The following RIC8B variants were observed in gnomAD, a reference collection of about 807,000 sequenced individuals.
The protein encoded by RIC8B is RIC8 guanine nucleotide exchange factor B, also known as chaperone Ric-8B.
RIC8B carries 16 observed loss-of-function variants against 57.5 expected under a neutral mutation model. The ratio of observed to expected loss-of-function variants is 0.28; its 90% CI spans 0.19 to 0.42. RIC8B has a LOEUF of 0.42. RIC8B is among the 10% of genes least tolerant of loss of function. The pLI is 1.00. For synonymous variants in RIC8B, 216 were observed against 250.8 expected (o/e 0.86, Z 1.31); for missense variants, 481 against 677.0 (o/e 0.71, Z 3.21).
chr12:106,794,359 G>A (rs967528204), intron 2 of RIC8B, among the ~76,000 whole-genome samples: 4 of 152,052 alleles, frequency 2.6e-5, no homozygotes, highest in Non-Finnish European at 5.9e-5. Context: ...AATACCAGAA[G>A]GAGAGGAGAG....
intron 8 of RIC8B, among the ~76,000 whole-genome samples, chr12:106,863,673 G>A (rs550944683): frequency 6.6e-6 from 1 of 152,146 alleles, no homozygotes; most frequent in South Asian, 2.1e-4. Context: ...CTGGGAACTA[G>A]AACCTGTTAC....
chr12:106,791,746 T>C (rs1284614284), intron 2 of RIC8B, among the ~76,000 whole-genome samples: 4 of 152,218 alleles, frequency 2.6e-5, no homozygotes. Context: ...TTTGGCACTT[T>C]CTCAATTATA....
rs1345068746 is a variant in RIC8B at position 106,834,245 on chromosome 12, G to C, written c.837-8344G>C. On this transcript the variant is annotated intron_variant, in intron 4 of 9. Transcript: ENST00000392837. ...TGTCAGATCTGTTTGGATTGTCCTTGTTTTGACTCATGATAATGGCATACA... is the reference window on the plus strand; with the variant it reads ...TGTCAGATCTGTTTGGATTGTCCTTCTTTTGACTCATGATAATGGCATACA... Among the ~76,000 whole-genome samples the C allele has an allele frequency of 2.0e-5, 3 of 152,114 alleles. No individual in the cohort carries two copies. In the East Asian group the frequency reaches 5.8e-4, roughly 29 times the overall value.
chr12:106,812,912 A>G (rs1464324296), intron 2 of RIC8B, among the ~76,000 whole-genome samples: 1 of 152,172 alleles, frequency 6.6e-6, no homozygotes, highest in Non-Finnish European at 1.5e-5. Flanking sequence ...TTGTCTTATC[A>G]GATAAAGTTC....
intron 8 of RIC8B, among the ~76,000 whole-genome samples, 171 bp from the exon 9 acceptor site, chr12:106,870,652 A>G (rs1475091001): frequency 6.6e-6 from 1 of 152,140 alleles, no homozygotes; most frequent in African/African-American, 2.4e-5. Context: ...AAATTAGTGG[A>G]AAAGTCCAGT....
At chr12:106,802,665 T>A (rs2044789115) in intron 2 of RIC8B, among the ~76,000 whole-genome samples, 1 of 151,908 alleles carries the variant, frequency 6.6e-6, no homozygotes, top group Non-Finnish European at 1.5e-5. Flanking sequence ...GAATTTCTTT[T>A]AATGTTAAGA....
chr12:106,816,143 CTG>C (rs1278078390), intron 3 of RIC8B, among the ~76,000 whole-genome samples: 2 of 151,768 alleles, frequency 1.3e-5, no homozygotes, highest in African/African-American at 4.8e-5. Flanking sequence ...CTTTAAATAA[CTG>C]TTGAAATTCA....
intron 9 of RIC8B, chr12:106,873,018 C>G (rs1410947551): frequency 1.0e-6 from 1 of 985,314 alleles, no homozygotes; most frequent in Non-Finnish European, 1.2e-6. Context: ...AGGTCCTTCT[C>G]CTTTTAATCT....
At chr12:106,805,236 A>G (rs557848390) in intron 2 of RIC8B, among the ~76,000 whole-genome samples, 14 of 152,320 alleles carry the variant, frequency 9.2e-5, no homozygotes, top group African/African-American at 2.6e-4. Flanking sequence ...AGATACCACC[A>G]ACAACCAAGT....
At chr12:106,861,542 T>G (rs73200073) in intron 8 of RIC8B, among the ~76,000 whole-genome samples, 9,078 of 151,926 alleles carry the variant, frequency 0.06, 370 homozygotes, top group African/African-American at 0.11. Flanking sequence ...AAAGACTTTT[T>G]GGGGGAAAGC....
At chr12:106,875,640 C>CA (rs1773335700) in intron 9 of RIC8B, among the ~76,000 whole-genome samples, 1 of 152,132 alleles carries the variant, frequency 6.6e-6, no homozygotes, top group South Asian at 2.1e-4. Flanking sequence ...ACCCTTACCC[C>CA]ATCACTGTCT....
chr12:106,775,426 G>C (rs905239764), intron 1 of RIC8B: 4 of 451,988 alleles, frequency 8.8e-6, no homozygotes, highest in Non-Finnish European at 1.3e-5. Context: ...ATATAATGTT[G>C]TAAGTGGGTG....
intron 2 of RIC8B, among the ~76,000 whole-genome samples, chr12:106,813,924 A>G (rs867853974): frequency 1.3e-5 from 2 of 152,308 alleles, no homozygotes; most frequent in South Asian, 2.1e-4. Flanking sequence ...TGACAATGGT[A>G]TAAAAAAATC....
chr12:106,806,868 G>A (rs951759885), intron 2 of RIC8B, among the ~76,000 whole-genome samples: 1 of 152,132 alleles, frequency 6.6e-6, no homozygotes, highest in Non-Finnish European at 1.5e-5. Flanking sequence ...TATTCATATA[G>A]AAAGCATAGA....
chr12:106,862,744 T>C (rs1949994294), intron 8 of RIC8B, among the ~76,000 whole-genome samples: 1 of 152,142 alleles, frequency 6.6e-6, no homozygotes, highest in Admixed American at 6.6e-5. Flanking sequence ...GGATTCTGAT[T>C]AATGCACCAA....
At chr12:106,843,723 CAAAAAAAA>C in intron 5 of RIC8B, 121 bp from the exon 6 acceptor site, 11 of 253,468 alleles carry the variant, frequency 4.3e-5, no homozygotes, top group South Asian at 1.4e-4. Context: ...CTCCCTCTCC[CAAAAAAAA>C]AAAAAAAAAA....
intron 4 of RIC8B, among the ~76,000 whole-genome samples, chr12:106,836,798 G>C (rs1376174183): frequency 6.6e-6 from 1 of 152,150 alleles, no homozygotes; most frequent in Non-Finnish European, 1.5e-5. Flanking sequence ...ACTTCCATCA[G>C]AATAAGATCT....
At chr12:106,825,923 C>T (rs1380755224) in intron 4 of RIC8B, 103 bp downstream of exon 4, 1 of 750,920 alleles carries the variant, frequency 1.3e-6, no homozygotes, top group Non-Finnish European at 2.3e-6. Flanking sequence ...AGTGAAAATA[C>T]TACAGTAAAT....
chr12:106,841,032 C>A (rs1214805354), intron 4 of RIC8B, among the ~76,000 whole-genome samples: 1 of 152,002 alleles, frequency 6.6e-6, no homozygotes, highest in Non-Finnish European at 1.5e-5. Context: ...AAGATAGAAG[C>A]AAAACGTTCT....
Sources: gnomAD v4.1 joint callset for allele counts (sites outside exome capture counted in the v4.1 genomes callset) on GRCh38, gnomAD v4.1.1 for gene constraint, MANE v1.5 for transcripts, NCBI Gene and HGNC (gene_info 2026-07-23, HGNC 2026-07-21) for gene names.